Variants in NUP205 observed in about 807,000 individuals in gnomAD.
NUP205 encodes the protein nucleoporin 205, also known as nuclear pore complex protein Nup205.
A neutral mutation model predicts 253.8 loss-of-function variants in NUP205; 76 were observed. That is an observed-to-expected ratio of 0.30 (90% CI 0.25 to 0.36). The LOEUF (loss-of-function observed/expected upper bound fraction) is 0.36, where lower values mean the gene tolerates loss of function less well. Ranked by LOEUF, NUP205 falls within the 10% of genes least tolerant of loss-of-function variation. NUP205 has a pLI of 1.00. For missense variants in NUP205, 2,162 were observed against 2,425.5 expected, an observed-to-expected ratio of 0.89 and a Z score of 2.28; for synonymous variants, 832 against 850.1, an observed-to-expected ratio of 0.98 and a Z score of 0.37.
chr7:135,575,948 A>G (rs566874934), intron 3 of NUP205, among the ~76,000 whole-genome samples: 16 of 152,376 alleles, frequency 1.1e-4, no homozygotes, highest in African/African-American at 3.8e-4. Flanking sequence ...GAATAAAATT[A>G]AATTTAGTGG....
intron 2 of NUP205, among the ~76,000 whole-genome samples, chr7:135,572,314 C>T (rs1404302831): frequency 1.3e-5 from 2 of 151,918 alleles, no homozygotes; most frequent in Non-Finnish European, 2.9e-5. Context: ...GAATTTCTGA[C>T]CTCTAGTTAG....
chr7:135,587,934 C>G lies in NUP205; in HGVS notation c.1415C>G (p.Thr472Ser). 1 of 1,614,050 alleles carries G rather than the reference C, an allele frequency of 6.2e-7. No homozygotes were observed. The highest frequency in any genetic ancestry group is 8.5e-7 in the Non-Finnish European group (1 of 1,179,930). ...EYWCPTEPLQ[T>S]PTIMGSYLGV... ...TGGTGTCCCACAGAGCCTCTTCAGACTCCGACTATCATGGGCTCTTATCTA... is the reference window on the plus strand; with the variant it reads ...TGGTGTCCCACAGAGCCTCTTCAGAGTCCGACTATCATGGGCTCTTATCTA... The change falls in exon 10 of 43, where the codon ACT becomes AGT. Residue 472 changes from threonine (T) to serine (S), a missense_variant. Physicochemically the swap from Thr to Ser is moderately conservative, Grantham distance 58. Transcript: ENST00000285968.
At chr7:135,564,509 A>G (rs1023161382) in intron 1 of NUP205, among the ~76,000 whole-genome samples, 4 of 150,748 alleles carry the variant, frequency 2.7e-5, no homozygotes, top group Admixed American at 1.3e-4. Flanking sequence ...TCGGCCTCCC[A>G]AAGTGCTGGA....
intron 1 of NUP205, among the ~76,000 whole-genome samples, chr7:135,565,421 A>G (rs1036893974): frequency 2.7e-5 from 4 of 150,360 alleles, no homozygotes; most frequent in Admixed American, 1.3e-4. Context: ...ATCCTAGTTT[A>G]GGTTCCATTT....
rs780480709 is a variant in NUP205 at position 135,619,870 on chromosome 7, C to T, written c.4312C>T (p.Pro1438Ser). The T allele has an allele frequency of 2.5e-6, 4 of 1,609,566 alleles. No homozygotes were observed. The highest frequency in any genetic ancestry group is 4.5e-5 in the East Asian group (2 of 44,846). Reference sequence around the variant, plus strand: ...ACAGATTGCCCAGAGACCTGATGAACCAGACACCTTAGAAGCAGGTAGAAT... The same window carrying T: ...ACAGATTGCCCAGAGACCTGATGAATCAGACACCTTAGAAGCAGGTAGAAT... ...YLQIAQRPDEPDTLEAAKKTM... is the reference protein window; with the variant it reads ...YLQIAQRPDESDTLEAAKKTM... The change falls in exon 30 of 43, where the codon CCA becomes TCA. Residue 1438 changes from proline (P) to serine (S), a missense_variant. By Grantham distance (74) the Pro-to-Ser change is moderately conservative (BLOSUM62 -1). Transcript: ENST00000285968.
At chr7:135,575,851 A>G (rs997709183) in intron 3 of NUP205, among the ~76,000 whole-genome samples, 1 of 152,230 alleles carries the variant, frequency 6.6e-6, no homozygotes, top group African/African-American at 2.4e-5. Flanking sequence ...CTTGAATTAT[A>G]AAAAGGTTGT....
chr7:135,595,998 G>A (rs566388607), intron 13 of NUP205, among the ~76,000 whole-genome samples: 2 of 152,082 alleles, frequency 1.3e-5, no homozygotes, highest in South Asian at 4.2e-4. Flanking sequence ...GCAATGGGGT[G>A]ATCTCGGCTC....
At chr7:135,632,761 T>C (rs1308033688) in intron 35 of NUP205, among the ~76,000 whole-genome samples, 1 of 152,130 alleles carries the variant, frequency 6.6e-6, no homozygotes, top group Non-Finnish European at 1.5e-5. Flanking sequence ...TGTAGTGTTG[T>C]GGGGTGGAAC....
chr7:135,635,540 T>A, intron 35 of NUP205, 41 bp from the exon 36 acceptor site: 1 of 1,070,502 alleles, frequency 9.3e-7, no homozygotes, highest in Admixed American at 2.1e-5. Flanking sequence ...ATGTTTTTGT[T>A]TATTATAATA....
At position 135,577,818 on chromosome 7, in the gene NUP205, G is replaced by A; in HGVS notation, c.671G>A (p.Cys224Tyr). 6 of 1,613,790 alleles carry A rather than the reference G, an allele frequency of 3.7e-6. No homozygotes were observed. Among genetic ancestry groups the A allele is most frequent in the East Asian group, 2.2e-5 (1 of 44,876 alleles). ...RKEVSDLIKE[C>Y]RQSLAESLFA... ...TAGGTTTCTGATCTCATTAAGGAGT[G>A]CAGGCAGTCTCTTGCAGAAAGCCTT... Residue 224 changes from cysteine to tyrosine, a missense_variant, in exon 6 of 43, where the codon TGC (cysteine) becomes TAC (tyrosine). Transcript: ENST00000285968.
chr7:135,587,756 G>A (rs1806510842), intron 9 of NUP205, 65 bp downstream of exon 9: 1 of 1,530,414 alleles, frequency 6.5e-7, no homozygotes, highest in Admixed American at 2.1e-5. Context: ...CCCTAACTTT[G>A]GAAAATTTCA....
intron 30 of NUP205, among the ~76,000 whole-genome samples, chr7:135,622,174 C>T (rs1037482646): frequency 1.4e-4 from 21 of 151,616 alleles, no homozygotes; most frequent in Admixed American, 1.4e-3. Flanking sequence ...CCTGTAATCC[C>T]AGCACTTTGG....
At chr7:135,562,220 A>G (rs1191834127) in intron 1 of NUP205, among the ~76,000 whole-genome samples, 1 of 151,354 alleles carries the variant, frequency 6.6e-6, no homozygotes, top group Non-Finnish European at 1.5e-5. Context: ...ATTTTGAGAC[A>G]GGGGCTCATT....
intron 35 of NUP205, among the ~76,000 whole-genome samples, chr7:135,634,883 GAGTCTATGCTTGGA>G (rs1157858460): frequency 1.3e-5 from 2 of 152,200 alleles, no homozygotes; most frequent in Non-Finnish European, 2.9e-5. Flanking sequence ...ATGTGCTATG[GAGTCTATGCTTGGA>G]AGTGAGTACG....
chr7:135,564,250 T>G (rs1017517294), intron 1 of NUP205, among the ~76,000 whole-genome samples: 2 of 149,888 alleles, frequency 1.3e-5, no homozygotes, highest in African/African-American at 4.9e-5. Flanking sequence ...CAGCTATTTT[T>G]TTTTTTTTTT....
rs765419806 is a variant in NUP205 at position 135,598,049 on chromosome 7, G to A, written c.2116G>A (p.Ala706Thr). 9 of 1,614,066 alleles carry A rather than the reference G, an allele frequency of 5.6e-6. No individual in the cohort carries two copies. The highest frequency in any genetic ancestry group is 7.6e-6 in the Non-Finnish European group (9 of 1,179,988). The change falls in exon 15 of 43, where the codon GCC (alanine) becomes ACC (threonine). Residue 706 changes from alanine (A) to threonine (T), a missense_variant. By Grantham distance (58) the Ala-to-Thr change is moderately conservative. Coordinates refer to ENST00000285968, the MANE Select transcript of NUP205 (RefSeq NM_015135.3). ...GTGTGAAGAATACCCATTGACTCGG[G>A]CCTTTTGCCAGCTTATTAGTACTCT... The part of the protein sequence containing the change: ...SRCEEYPLTR[A>T]FCQLISTLVE...
intron 8 of NUP205, among the ~76,000 whole-genome samples, chr7:135,585,290 G>C (rs972711165): frequency 6.6e-6 from 1 of 152,018 alleles, no homozygotes; most frequent in Non-Finnish European, 1.5e-5. Flanking sequence ...AATGTTCTAT[G>C]TACACCTGAA....
chr7:135,617,504 C>A, intron 26 of NUP205, 98 bp from the exon 27 acceptor site: 1 of 872,654 alleles, frequency 1.1e-6, no homozygotes, highest in Non-Finnish European at 1.8e-6. Context: ...AGGTATCTGA[C>A]ACCTTTCCCT....
intron 13 of NUP205, among the ~76,000 whole-genome samples, chr7:135,595,940 T>G (rs996233583): frequency 6.7e-6 from 1 of 149,832 alleles, no homozygotes; most frequent in African/African-American, 2.4e-5. Context: ...CAAAAAAAAT[T>G]TTTTTTTTTT....
Sources: gnomAD v4.1 joint callset for allele counts (sites outside exome capture counted in the v4.1 genomes callset) on GRCh38, gnomAD v4.1.1 for gene constraint, MANE v1.5 for transcripts, NCBI Gene and HGNC (gene_info 2026-07-23, HGNC 2026-07-21) for gene names.